Variants in FSTL4 observed in about 807,000 individuals in gnomAD.
The protein encoded by FSTL4 is follistatin-related protein 4.
Under a neutral mutation model 78.2 loss-of-function variants are expected in FSTL4, and 28 were observed. The ratio of observed to expected loss-of-function variants is 0.36; its 90% CI spans 0.27 to 0.49. The LOEUF is 0.49. Ranked by LOEUF, FSTL4 falls within the 20% of genes least tolerant of loss-of-function variation. The pLI is 0.98. For missense variants in FSTL4, 922 were observed against 1,084.9 expected (o/e 0.85, Z 2.11); for synonymous variants, 422 against 440.5 (o/e 0.96, Z 0.53).
chr5:133,671,488 G>A, the FSTL4 span, among the ~76,000 whole-genome samples: 1 of 152,170 alleles, frequency 6.6e-6, no homozygotes, highest in Non-Finnish European at 1.5e-5. Flanking sequence ...TTGTTCCTCA[G>A]TGCCATAAAG....
chr5:133,450,936 C>T (rs957697356), intron 3 of FSTL4, among the ~76,000 whole-genome samples: 1 of 152,078 alleles, frequency 6.6e-6, no homozygotes, highest in Admixed American at 6.5e-5. Context: ...GGTAGCCAGA[C>T]TCTTCACCCT....
At chr5:133,423,436 C>G (rs1475158032) in intron 3 of FSTL4, among the ~76,000 whole-genome samples, 3 of 152,228 alleles carry the variant, frequency 2.0e-5, no homozygotes, top group Non-Finnish European at 4.4e-5. Flanking sequence ...TCACAGCACT[C>G]TCTGTGGAAG....
intron 4 of FSTL4, among the ~76,000 whole-genome samples, chr5:133,339,886 AC>A (rs1265061043): frequency 1.3e-5 from 2 of 152,174 alleles, no homozygotes; most frequent in Non-Finnish European, 2.9e-5. Flanking sequence ...AGGCTTGATG[AC>A]CTGGGGTCTG....
chr5:133,432,092 ATCTGT>A (rs756538821), intron 3 of FSTL4, among the ~76,000 whole-genome samples: 6 of 152,166 alleles, frequency 3.9e-5, no homozygotes, highest in Non-Finnish European at 7.3e-5. Flanking sequence ...TGTCAATCAC[ATCTGT>A]TCTGTCATTG....
the FSTL4 span, among the ~76,000 whole-genome samples, chr5:133,738,447 G>T: frequency 2.6e-5 from 4 of 152,196 alleles, no homozygotes; most frequent in Non-Finnish European, 5.9e-5. Context: ...CCAAGGCCAC[G>T]TATATGATTC....
At chr5:133,694,729 T>C in the FSTL4 span, among the ~76,000 whole-genome samples, 1 of 152,232 alleles carries the variant, frequency 6.6e-6, no homozygotes, top group Non-Finnish European at 1.5e-5. Context: ...CAGAAATTTA[T>C]TTCTCATGGT....
the FSTL4 span, among the ~76,000 whole-genome samples, chr5:133,797,757 C>T: frequency 0.014 from 2,062 of 152,272 alleles, 54 homozygotes; most frequent in African/African-American, 0.047. Context: ...GGTACCTTAT[C>T]TGCATCTTCC....
At chr5:133,718,582 T>C in the FSTL4 span, among the ~76,000 whole-genome samples, 1 of 152,238 alleles carries the variant, frequency 6.6e-6, no homozygotes, top group Admixed American at 6.5e-5. Flanking sequence ...AAAATTTTAT[T>C]CTTGATTGAC....
At chr5:133,296,415 C>T (rs193085976) in intron 6 of FSTL4, among the ~76,000 whole-genome samples, 2 of 152,198 alleles carry the variant, frequency 1.3e-5, no homozygotes, top group Non-Finnish European at 2.9e-5. Context: ...CATCCCTTCT[C>T]GACTTGAAGC....
At chr5:133,817,248 A>G in the FSTL4 span, among the ~76,000 whole-genome samples, 6 of 152,202 alleles carry the variant, frequency 3.9e-5, no homozygotes, top group Non-Finnish European at 8.8e-5. Context: ...GTCACACTGC[A>G]AGTAAGGAGT....
chr5:133,570,563 C>T (rs1250095452), intron 2 of FSTL4, among the ~76,000 whole-genome samples: 1 of 152,134 alleles, frequency 6.6e-6, no homozygotes, highest in East Asian at 1.9e-4. Context: ...AGTCTGATTC[C>T]AATGCCTATG....
intron 4 of FSTL4, among the ~76,000 whole-genome samples, chr5:133,319,529 T>G (rs1455661959): frequency 6.6e-6 from 1 of 152,140 alleles, no homozygotes; most frequent in South Asian, 2.1e-4. Flanking sequence ...GCAGGAGCCA[T>G]GGTGGGGCAC....
rs373380319 is a variant in FSTL4 at position 133,460,406 on chromosome 5, G to A, written c.161-59420C>T. Among the ~76,000 whole-genome samples, 3 of 152,184 alleles carry A rather than the reference G, an allele frequency of 2.0e-5. No individual in the cohort carries two copies. In the South Asian group the frequency reaches 6.2e-4, roughly 32 times the overall value. ...TTTGGGGTCCCCGCTCCTCCTTGCA[G>A]GGACCACACATTTTCTGCTCCTGGT... On this transcript the variant is annotated intron_variant, in intron 3 of 15. Transcript: ENST00000265342.
chr5:133,570,730 A>T (rs1271946857), intron 2 of FSTL4, among the ~76,000 whole-genome samples: 2 of 152,230 alleles, frequency 1.3e-5, no homozygotes, highest in African/African-American at 4.8e-5. Context: ...GAATTAAAAA[A>T]AAGTTTTTGA....
chr5:133,323,241 C>T (rs954761310), intron 4 of FSTL4, among the ~76,000 whole-genome samples: 1 of 152,224 alleles, frequency 6.6e-6, no homozygotes, highest in Admixed American at 6.5e-5. Context: ...AAGGCATTCA[C>T]TCCCCTGCCC....
At chr5:133,335,799 T>C (rs1199079762) in intron 4 of FSTL4, among the ~76,000 whole-genome samples, 1 of 152,020 alleles carries the variant, frequency 6.6e-6, no homozygotes, top group African/African-American at 2.4e-5. Context: ...TGGGCCCTGA[T>C]GCACCAACAC....
chr5:133,441,771 G>A (rs1382451259), intron 3 of FSTL4, among the ~76,000 whole-genome samples: 2 of 152,206 alleles, frequency 1.3e-5, no homozygotes, highest in African/African-American at 4.8e-5. Context: ...CAGCAGGGTC[G>A]GCTGACACTG....
At chr5:133,213,496 T>G (rs574104360) in intron 13 of FSTL4, among the ~76,000 whole-genome samples, 53 of 152,192 alleles carry the variant, frequency 3.5e-4, no homozygotes, top group African/African-American at 1.2e-3. Context: ...AATGCAAAAG[T>G]AAGGGGGAGG....
At chr5:133,475,755 T>G (rs954825259) in intron 3 of FSTL4, among the ~76,000 whole-genome samples, 10 of 152,198 alleles carry the variant, frequency 6.6e-5, no homozygotes, top group Non-Finnish European at 1.5e-4. Context: ...TGTGATAACA[T>G]AAACTGGGAG....
Sources: allele counts gnomAD v4.1 joint callset (sites outside exome capture counted in the v4.1 genomes callset), GRCh38; gene constraint gnomAD v4.1.1; transcripts MANE v1.5; gene names NCBI Gene and HGNC (gene_info 2026-07-23, HGNC 2026-07-21).